Variants in ZNF331 observed in about 807,000 individuals in gnomAD.
ZNF331 encodes C2H2-like zinc finger protein rearranged in thyroid adenomas.
A neutral mutation model predicts 7.0 loss-of-function variants in ZNF331; 2 were observed. The ratio of observed to expected loss-of-function variants is 0.29; its 90% CI spans 0.12 to 0.90. The LOEUF (loss-of-function observed/expected upper bound fraction) is 0.90, where lower values mean the gene tolerates loss of function less well. Ranked by LOEUF, ZNF331 falls within the 40% of genes least tolerant of loss-of-function variation. The pLI, the probability that ZNF331 is intolerant of heterozygous loss-of-function variation, is 0.58. For missense variants in ZNF331, 432 were observed against 587.7 expected, an observed-to-expected ratio of 0.74 and a Z score of 2.74; for synonymous variants, 196 against 205.4, an observed-to-expected ratio of 0.95 and a Z score of 0.39.
At chr19:53,526,447 G>A (rs1247566565) in intron 2 of ZNF331, among the ~76,000 whole-genome samples, 1 of 152,106 alleles carries the variant, frequency 6.6e-6, no homozygotes. Flanking sequence ...CCTGTTGTTA[G>A]TGTGTTCAGA....
chr19:53,549,720 A>T (rs1013687808), intron 2 of ZNF331, among the ~76,000 whole-genome samples: 19 of 151,896 alleles, frequency 1.3e-4, no homozygotes, highest in African/African-American at 3.9e-4. Flanking sequence ...TTTTTTTTTA[A>T]AAATCTTTTC....
chr19:53,531,141 C>A (rs73049574), intron 2 of ZNF331, among the ~76,000 whole-genome samples: 3 of 152,014 alleles, frequency 2.0e-5, no homozygotes, highest in Non-Finnish European at 2.9e-5. Context: ...AACATTCTTA[C>A]GAAAAAGCAC....
the ZNF331 span, among the ~76,000 whole-genome samples, chr19:53,508,654 A>G: frequency 6.6e-6 from 1 of 152,118 alleles, no homozygotes; most frequent in Admixed American, 6.6e-5. Context: ...TATTTCCAAA[A>G]TATGAGATTT....
At chr19:53,528,020 A>AATT (rs2087373013) in intron 2 of ZNF331, among the ~76,000 whole-genome samples, 1 of 152,232 alleles carries the variant, frequency 6.6e-6, no homozygotes, top group Non-Finnish European at 1.5e-5. Flanking sequence ...AATATATGAA[A>AATT]TGACTAAGAT....
intron 5 of ZNF331, among the ~76,000 whole-genome samples, chr19:53,575,499 CTT>C (rs34296898): frequency 0.083 from 6,256 of 74,952 alleles, 49 homozygotes; most frequent in African/African-American, 0.17. Context: ...TACCCAGTTG[CTT>C]TTTTTTTTTT....
chr19:53,543,829 T>C (rs1255856478), intron 2 of ZNF331, among the ~76,000 whole-genome samples: 2 of 152,194 alleles, frequency 1.3e-5, no homozygotes, highest in African/African-American at 2.4e-5. Context: ...GATTCACATC[T>C]CTAAAGTCAG....
intron 2 of ZNF331, among the ~76,000 whole-genome samples, chr19:53,550,930 C>G (rs748707717): frequency 1.3e-5 from 2 of 151,278 alleles, no homozygotes; most frequent in Non-Finnish European, 2.9e-5. Flanking sequence ...GCCCAACCTC[C>G]GCCTCCCGGG....
the ZNF331 span, among the ~76,000 whole-genome samples, chr19:53,506,494 CTCTCTCTCTCTCTG>C: frequency 0.011 from 1,600 of 145,280 alleles, 47 homozygotes; most frequent in African/African-American, 0.042. Flanking sequence ...CTGTCTCTCT[CTCTCTCTCTCTCTG>C]TCTCTCTCTC....
At chr19:53,569,482 TTA>T in intron 4 of ZNF331, 97 bp downstream of exon 4, 1 of 1,394,300 alleles carries the variant, frequency 7.2e-7, no homozygotes, top group South Asian at 1.2e-5. Context: ...GTCAAGCTCT[TTA>T]TAATTACCTG....
chr19:53,534,913 C>T (rs1372539691), upstream of ZNF331, among the ~76,000 whole-genome samples: 3 of 151,722 alleles, frequency 2.0e-5, no homozygotes, highest in Non-Finnish European at 4.4e-5. Context: ...CTAGAATGTA[C>T]CCACTCCCCT....
At chr19:53,514,061 T>C in the ZNF331 span, among the ~76,000 whole-genome samples, 1 of 152,238 alleles carries the variant, frequency 6.6e-6, no homozygotes, top group Non-Finnish European at 1.5e-5. Context: ...CCAATATCAC[T>C]AAGTTATATT....
At chr19:53,540,127 A>G (rs1159198727) in intron 2 of ZNF331, among the ~76,000 whole-genome samples, 4 of 152,142 alleles carry the variant, frequency 2.6e-5, no homozygotes, top group African/African-American at 9.7e-5. Context: ...GGCCACATTT[A>G]TTGAGCGCAT....
chr19:53,568,781 T>C (rs2090291487), intron 3 of ZNF331, among the ~76,000 whole-genome samples: 1 of 149,560 alleles, frequency 6.7e-6, no homozygotes, highest in Admixed American at 6.7e-5. Context: ...TAAAGCCTCC[T>C]CTGCTGTGTG....
At chr19:53,537,919 C>A (rs533248547), upstream of ZNF331, among the ~76,000 whole-genome samples, 1 of 152,036 alleles carries the variant, frequency 6.6e-6, no homozygotes, top group East Asian at 1.9e-4. Flanking sequence ...CGCACACGCC[C>A]GTCAGGGTCT....
At chr19:53,540,979 A>G (rs1018909899) in intron 2 of ZNF331, among the ~76,000 whole-genome samples, 1 of 152,182 alleles carries the variant, frequency 6.6e-6, no homozygotes. Context: ...GTGTCAGCCC[A>G]TTAGCAATTT....
At chr19:53,504,343 T>A in the ZNF331 span, 2 of 214,468 alleles carry the variant, frequency 9.3e-6, no homozygotes, top group African/African-American at 2.3e-5. Context: ...TGTACAATGT[T>A]TATGTTTCTT....
chr19:53,503,633 A>G, the ZNF331 span: 1 of 697,356 alleles, frequency 1.4e-6, no homozygotes, highest in African/African-American at 1.8e-5. Flanking sequence ...TTCTGGATGT[A>G]AATTTCTTTT....
upstream of ZNF331, among the ~76,000 whole-genome samples, chr19:53,519,482 C>T (rs1334840319): frequency 6.6e-6 from 1 of 152,162 alleles, no homozygotes; most frequent in Admixed American, 6.5e-5. Context: ...GGGCAAAGGC[C>T]CAACTACAAA....
intron 2 of ZNF331, among the ~76,000 whole-genome samples, chr19:53,542,404 G>A (rs1011745654): frequency 1.3e-5 from 2 of 152,182 alleles, no homozygotes; most frequent in African/African-American, 4.8e-5. Context: ...ACTAATCACT[G>A]GGTGCCTTGC....
Sources: gnomAD v4.1 joint callset for allele counts (sites outside exome capture counted in the v4.1 genomes callset) on GRCh38, gnomAD v4.1.1 for gene constraint, MANE v1.5 for transcripts, NCBI Gene and HGNC (gene_info 2026-07-23, HGNC 2026-07-21) for gene names.